ADA2: variants seen among roughly 807,000 people sequenced by gnomAD.
ADA2 encodes adenosine deaminase 2.
ADA2 carries 29 observed loss-of-function variants against 44.2 expected under a neutral mutation model. That is an observed-to-expected ratio of 0.66 (90% CI 0.49 to 0.89). The LOEUF (loss-of-function observed/expected upper bound fraction) is 0.89, where lower values mean the gene tolerates loss of function less well. ADA2 is among the 40% of genes least tolerant of loss of function. The pLI is 0.00. For synonymous variants in ADA2, 215 were observed against 234.9 expected (o/e 0.92, Z 0.77); for missense variants, 637 against 644.8 (o/e 0.99, Z 0.13).
chr22:17,205,501 G>T (rs1337367464), intron 3 of ADA2, among the ~76,000 whole-genome samples: 3 of 152,146 alleles, frequency 2.0e-5, no homozygotes, highest in African/African-American at 7.2e-5. Context: ...GGAGTGGAAT[G>T]GAAATAACTC....
intron 4 of ADA2, among the ~76,000 whole-genome samples, chr22:17,202,948 G>T (rs2062308644): frequency 6.6e-6 from 1 of 151,704 alleles, no homozygotes; most frequent in Admixed American, 6.6e-5. Context: ...CTAATTTTTT[G>T]TATTTTTAGT....
At chr22:17,213,696 G>T in intron 1 of ADA2, 2 of 245,332 alleles carry the variant, frequency 8.2e-6, no homozygotes. Flanking sequence ...CCCGGCCCGC[G>T]CAGCCTTTGA....
At chr22:17,206,475 CT>C (rs2062354955) in intron 3 of ADA2, among the ~76,000 whole-genome samples, 2 of 151,872 alleles carry the variant, frequency 1.3e-5, no homozygotes, top group Admixed American at 1.3e-4. Flanking sequence ...AAGACCCTGT[CT>C]CAAATAATAA....
At chr22:17,182,248 G>T (rs2061980344) in intron 8 of ADA2, among the ~76,000 whole-genome samples, 1 of 152,256 alleles carries the variant, frequency 6.6e-6, no homozygotes, top group South Asian at 2.1e-4. Context: ...GGTCACTTCT[G>T]TTCCTGCTCA....
Position 17,179,650 on chromosome 22 carries a change from A to G in ADA2, c.*1833T>C, listed in dbSNP as rs2061947038. 1 of 152,362 alleles carries G rather than the reference A, an allele frequency of 6.6e-6. No individual in the cohort carries two copies. The highest frequency in any genetic ancestry group is 2.4e-5 in the African/African-American group (1 of 41,458). 9.4% of individuals were successfully genotyped at this position (152,362 alleles called of 1,614,324 possible). On this transcript the variant is annotated 3_prime_UTR_variant, in exon 10 of 10. Transcript: ENST00000399837. ...GAAAGAGAAAAGACCCAGGCACGGT[A>G]TAGAGCCGAGGACATTTGAGGAAGA... is the stretch of plus-strand genomic sequence containing the variant.
At chr22:17,206,976 C>T in intron 3 of ADA2, 95 bp downstream of exon 3, 2 of 944,606 alleles carry the variant, frequency 2.1e-6, no homozygotes, top group East Asian at 2.5e-5. Context: ...TTATTAAAGC[C>T]AGATTTTTAT....
chr22:17,182,979 CTAATTTAT>C (rs2061991278), intron 7 of ADA2, among the ~76,000 whole-genome samples: 2 of 152,160 alleles, frequency 1.3e-5, no homozygotes, highest in South Asian at 4.1e-4. Flanking sequence ...AATTAATCAT[CTAATTTAT>C]TAATTTATCA....
chr22:17,194,326 T>G (rs2062162984), intron 4 of ADA2, among the ~76,000 whole-genome samples: 1 of 152,174 alleles, frequency 6.6e-6, no homozygotes, highest in South Asian at 2.1e-4. Context: ...CCACCTCCTC[T>G]GCTCATTTCC....
At chr22:17,209,776 G>C in intron 1 of ADA2, 53 bp from the exon 2 acceptor site, 1 of 902,298 alleles carries the variant, frequency 1.1e-6, no homozygotes, top group Non-Finnish European at 1.6e-6. Context: ...GTGGAACTCT[G>C]ATCTTCCTTT....
intron 9 of ADA2, 110 bp from the exon 10 acceptor site, chr22:17,181,686 G>T: frequency 9.3e-7 from 1 of 1,079,894 alleles, no homozygotes; most frequent in Non-Finnish European, 1.4e-6. Flanking sequence ...CAGGCCAGCA[G>T]CAAGGACTAA....
intron 4 of ADA2, among the ~76,000 whole-genome samples, chr22:17,202,101 A>G (rs2062296221): frequency 6.8e-6 from 1 of 148,036 alleles, no homozygotes; most frequent in African/African-American, 2.5e-5. Context: ...CCTCCCGAGT[A>G]GCTGATTACA....
rs1206824905 is a variant in ADA2, at chr22:17,181,914, C to T, written c.1348G>A (p.Gly450Ser). The change falls in exon 9 of 10, where the codon GGC becomes AGC. Residue 450 changes from glycine to serine, a missense_variant. Coordinates refer to ENST00000399837, the MANE Select transcript of ADA2 (RefSeq NM_001282225.2). ...SDDPAMFGAK[G>S]LSYDFYEVFM... is the part of the protein sequence containing the mutation. ...ACCTCATAGAAATCATAGGACAAGC[C>T]TTTGGCACCAAACATAGCTGGGTCA... 9.3e-6 allele frequency: 15 copies of T among 1,614,182 alleles called. No individual in the cohort carries two copies. The highest frequency in any genetic ancestry group is 1.3e-5 in the African/African-American group (1 of 75,056).
In ADA2 at chr22:17,210,321, G is replaced by C. The variant is rs556069480; in HGVS notation, c.-46-598C>G. On this transcript the variant is annotated intron_variant, in intron 1 of 9. Transcript: ENST00000399837. ...TTCTCCTGCCTCAGCCTCCCAAATAGCTGGGATTACAGGCATGCATCACCA... is the reference window on the plus strand; with the variant it reads ...TTCTCCTGCCTCAGCCTCCCAAATACCTGGGATTACAGGCATGCATCACCA... Among the ~76,000 whole-genome samples, 7 of 151,640 alleles carry C rather than the reference G, an allele frequency of 4.6e-5. No homozygotes were observed. The East Asian group carries it at 1.4e-3, about 29-fold the overall frequency.
chr22:17,208,566 G>A (rs547808450), intron 2 of ADA2, among the ~76,000 whole-genome samples: 24 of 152,124 alleles, frequency 1.6e-4, no homozygotes, highest in Middle Eastern at 3.4e-3. Flanking sequence ...ACTTTGGGAG[G>A]CCGAGGAGTG....
At chr22:17,197,560 T>A (rs2062208641) in intron 4 of ADA2, among the ~76,000 whole-genome samples, 1 of 152,198 alleles carries the variant, frequency 6.6e-6, no homozygotes, top group Admixed American at 6.5e-5. Flanking sequence ...CATGAGCCAC[T>A]GCACCTGGCC....
intron 4 of ADA2, chr22:17,199,418 C>CTCCCTCCCCTCCTCTATCCTCTTCCCA: frequency 1.1e-6 from 1 of 931,950 alleles, no homozygotes; most frequent in Admixed American, 1.8e-5. Context: ...TCAGCGTCTC[C>CTCCCTCCCCTCCTCTATCCTCTTCCCA]TCCCTCCCCT....
chr22:17,208,751 C>G (rs566978195), intron 2 of ADA2, among the ~76,000 whole-genome samples: 1 of 151,826 alleles, frequency 6.6e-6, no homozygotes, highest in South Asian at 2.1e-4. Context: ...TGCAGTGAGC[C>G]AAGATCACAC....
At chr22:17,195,848 C>A (rs562033075) in intron 4 of ADA2, among the ~76,000 whole-genome samples, 67 of 151,622 alleles carry the variant, frequency 4.4e-4, no homozygotes, top group South Asian at 6.3e-4. Context: ...TTAACCTCCA[C>A]CTCCTGGGTT....
intron 1 of ADA2, among the ~76,000 whole-genome samples, chr22:17,212,317 G>A (rs966984181): frequency 2.0e-5 from 3 of 151,666 alleles, no homozygotes; most frequent in Non-Finnish European, 2.9e-5. Context: ...ATGAGCCACC[G>A]TGCCCAGCCT....
Sources: allele counts gnomAD v4.1 joint callset (sites outside exome capture counted in the v4.1 genomes callset), GRCh38; gene constraint gnomAD v4.1.1; transcripts MANE v1.5; gene names NCBI Gene and HGNC (gene_info 2026-07-23, HGNC 2026-07-21).